The following MSL2 variants were observed in gnomAD, a reference collection of about 807,000 sequenced individuals.
MSL2 encodes the protein E3 ubiquitin-protein ligase MSL2.
A neutral mutation model predicts 35.8 loss-of-function variants in MSL2; 2 were observed. The observed-to-expected ratio is 0.06, with a 90% CI of 0.02 to 0.18. MSL2 has a LOEUF of 0.18. Ranked by LOEUF, MSL2 falls within the 10% of genes least tolerant of loss-of-function variation. MSL2 has a pLI of 1.00. For synonymous variants in MSL2, 296 were observed against 255.7 expected (o/e 1.16, Z -1.50); for missense variants, 523 against 706.7 (o/e 0.74, Z 2.95).
chr3:136,187,836 T>G (rs992089698), intron 1 of MSL2, among the ~76,000 whole-genome samples: 1 of 152,202 alleles, frequency 6.6e-6, no homozygotes, highest in Non-Finnish European at 1.5e-5. Context: ...TACAAGGGCC[T>G]GTCCACAGAG....
At chr3:136,194,153 T>C (rs977095381) in intron 1 of MSL2, among the ~76,000 whole-genome samples, 1 of 152,234 alleles carries the variant, frequency 6.6e-6, no homozygotes, top group Non-Finnish European at 1.5e-5. Flanking sequence ...TTCTTTTGTA[T>C]TAACGTTTCA....
intron 1 of MSL2, among the ~76,000 whole-genome samples, chr3:136,192,605 T>C (rs1285537396): frequency 6.6e-6 from 1 of 150,956 alleles, no homozygotes; most frequent in Non-Finnish European, 1.5e-5. Flanking sequence ...GAAAAAGATA[T>C]AAAAAAGCAT....
chr3:136,152,271 T>G lies in MSL2; in HGVS notation c.610A>C (p.Arg204=). The change falls in exon 2 of 2, where the codon AGA becomes CGA. Residue 204 remains arginine, a synonymous_variant. Transcript: ENST00000309993. ...LPTYNGLSID[R]FGINIPSPEH... ...GGTGAAGGAATATTTATACCAAATC[T>G]ATCTATTGAAAGCCCATTATAAGTA... is the stretch of plus-strand genomic sequence containing the variant. 1 of 1,614,110 alleles carries G rather than the reference T, an allele frequency of 6.2e-7. No individual in the cohort carries two copies. Among genetic ancestry groups the G allele is most frequent in the Non-Finnish European group, 8.5e-7 (1 of 1,179,932 alleles).
Position 136,152,390 on chromosome 3 carries a change from G to A in MSL2, c.491C>T (p.Ser164Leu). ...AGCTTGAGGATCAGTTGTGGGTTCT[G>A]AGGTTGAAGGTAAAGGGGAATGTGT... ...CLTHSPLPST[S>L]EPTTDPQASL... Residue 164 changes from serine (S) to leucine (L), a missense_variant, in exon 2 of 2, where the codon TCA (serine) becomes TTA (leucine). Ser to Leu is a moderately radical substitution (Grantham distance 145, BLOSUM62 -2). Coordinates refer to ENST00000309993, the MANE Select transcript of MSL2 (RefSeq NM_018133.4). 3.1e-6 allele frequency: 5 copies of A among 1,614,188 alleles called. No individual in the cohort carries two copies. Among genetic ancestry groups the A allele is most frequent in the Non-Finnish European group, 4.2e-6 (5 of 1,180,026 alleles).
In MSL2 at chr3:136,195,206, A is replaced by G; in HGVS notation, c.-93T>C. 6.5e-7 allele frequency: 1 copy of G among 1,538,740 alleles called. No individual in the cohort carries two copies. Among genetic ancestry groups the G allele is most frequent in the Non-Finnish European group, 8.7e-7 (1 of 1,147,124 alleles). ...AGGGAACGATGGCGAATTTGCAACA[A>G]TTCGGAAGAAATCAGAGCCGAACCA... On this transcript the variant is annotated 5_prime_UTR_variant, in exon 1 of 2. Coordinates refer to ENST00000309993, the MANE Select transcript of MSL2 (RefSeq NM_018133.4).
Position 136,195,891 on chromosome 3 carries a change from G to A in MSL2, c.-778C>T, listed in dbSNP as rs1436941341. 9 of 886,126 alleles carry A rather than the reference G, an allele frequency of 1.0e-5. No individual in the cohort carries two copies. The highest frequency in any genetic ancestry group is 1.2e-5 in the Non-Finnish European group (9 of 740,728). The allele number at this position is 886,126 out of a possible 1,614,324, so 54.9% of individuals were successfully genotyped here. Reference sequence around the variant, plus strand: ...CGGGAGGGGGCGGGGGGCAAGCCCGGCCGGGCCGCGGCGGCGCCCCTCGCG... The same window carrying A: ...CGGGAGGGGGCGGGGGGCAAGCCCGACCGGGCCGCGGCGGCGCCCCTCGCG... On this transcript the variant is annotated 5_prime_UTR_variant, in exon 1 of 2. Transcript: ENST00000309993.
chr3:136,180,358 C>A (rs1940305489), intron 1 of MSL2, among the ~76,000 whole-genome samples: 1 of 152,080 alleles, frequency 6.6e-6, no homozygotes, highest in Non-Finnish European at 1.5e-5. Flanking sequence ...CTGGGTAGCA[C>A]TGTATTTTCT....
chr3:136,183,115 T>G (rs1940415718), intron 1 of MSL2, among the ~76,000 whole-genome samples: 1 of 151,352 alleles, frequency 6.6e-6, no homozygotes, highest in East Asian at 1.9e-4. Flanking sequence ...AAGTAAAATT[T>G]TACAAGGTAA....
At chr3:136,184,310 A>G (rs1434692127) in intron 1 of MSL2, among the ~76,000 whole-genome samples, 3 of 148,720 alleles carry the variant, frequency 2.0e-5, no homozygotes, top group Non-Finnish European at 3.0e-5. Context: ...AAAGAATTCT[A>G]TGGTTCTGGG....
At chr3:136,194,485 A>C in intron 1 of MSL2, 2 of 985,264 alleles carry the variant, frequency 2.0e-6, no homozygotes. Flanking sequence ...ACCTGGGGCA[A>C]AGTTCCGCGC....
chr3:136,180,816 GGGAAGGAAGGAA>G (rs1329921141), intron 1 of MSL2, among the ~76,000 whole-genome samples: 2 of 53,608 alleles, frequency 3.7e-5, no homozygotes, highest in East Asian at 1.5e-3. Flanking sequence ...GAGGGAAGGA[GGGAAGGAAGGAA>G]GGAAGGAAGG....
chr3:136,151,771 A>G lies in MSL2; in HGVS notation c.1110T>C (p.Ala370=). ...TGCTCTCCCGTTTCACTGTCACAGG[A>G]GCAGATGCCCCCAGTGTTGGGCCTC... ...IIRGPTLGAS[A]PVTVKRESKI... The change falls in exon 2 of 2, where the codon GCT becomes GCC. Residue 370 remains alanine, a synonymous_variant. Coordinates refer to ENST00000309993, the MANE Select transcript of MSL2 (RefSeq NM_018133.4). The surrounding 1 kb of genome is among the most constrained non-coding windows in gnomAD (Gnocchi z 5.2). 6.2e-7 allele frequency: 1 copy of G among 1,614,182 alleles called. No individual in the cohort carries two copies.
chr3:136,150,910 C>A lies in MSL2; in HGVS notation c.*237G>T. 2 of 481,418 alleles carry A rather than the reference C, an allele frequency of 4.2e-6. No individual in the cohort carries two copies. The highest frequency in any genetic ancestry group is 3.4e-5 in the Admixed American group (1 of 29,832). The allele number at this position is 481,418 out of a possible 1,614,324, so 29.8% of individuals were successfully genotyped here. ...TTCATTTTGTATAAATCAGTTGCAT[C>A]AGCTTTGTTCTCAAACTATGAGGTT... is the stretch of plus-strand genomic sequence containing the variant. On this transcript the variant is annotated 3_prime_UTR_variant, in exon 2 of 2. Coordinates refer to ENST00000309993, the MANE Select transcript of MSL2 (RefSeq NM_018133.4).
intron 1 of MSL2, among the ~76,000 whole-genome samples, chr3:136,161,786 C>T (rs1939713072): frequency 6.6e-6 from 1 of 151,938 alleles, no homozygotes; most frequent in Non-Finnish European, 1.5e-5. Context: ...TTACACAACT[C>T]TAAAATTTAA....
chr3:136,150,917 G>T lies in MSL2; in HGVS notation c.*230C>A, dbSNP rs995018478. 2 of 503,844 alleles carry T rather than the reference G, an allele frequency of 4.0e-6. No individual in the cohort carries two copies. The highest frequency in any genetic ancestry group is 7.1e-6 in the Non-Finnish European group (2 of 283,190). The allele number at this position is 503,844 out of a possible 1,614,324, so 31.2% of individuals were successfully genotyped here. ...TGTATAAATCAGTTGCATCAGCTTTGTTCTCAAACTATGAGGTTCTGTAAG... is the reference window on the plus strand; with the variant it reads ...TGTATAAATCAGTTGCATCAGCTTTTTTCTCAAACTATGAGGTTCTGTAAG... On this transcript the variant is annotated 3_prime_UTR_variant, in exon 2 of 2. Coordinates refer to ENST00000309993, the MANE Select transcript of MSL2 (RefSeq NM_018133.4).
intron 1 of MSL2, among the ~76,000 whole-genome samples, chr3:136,192,574 A>G (rs151139643): frequency 1.8e-3 from 273 of 151,700 alleles, no homozygotes; most frequent in East Asian, 4.8e-3. Context: ...AAAATTAAGA[A>G]AGCAAAGATA....
At chr3:136,166,738 C>T (rs1466194744) in intron 1 of MSL2, among the ~76,000 whole-genome samples, 1 of 152,124 alleles carries the variant, frequency 6.6e-6, no homozygotes, top group Non-Finnish European at 1.5e-5. Context: ...ATTGCTTGCC[C>T]GTCTCTATAC....
At position 136,195,503 on chromosome 3, in the gene MSL2, T is replaced by A. The variant is rs973482870; in HGVS notation, c.-390A>T. 12 of 1,011,916 alleles carry A rather than the reference T, an allele frequency of 1.2e-5. No homozygotes were observed. Among genetic ancestry groups the A allele is most frequent in the Non-Finnish European group, 1.3e-5 (11 of 847,278 alleles). The allele number at this position is 1,011,916 out of a possible 1,614,324, so 62.7% of individuals were successfully genotyped here. On this transcript the variant is annotated 5_prime_UTR_variant, in exon 1 of 2. Transcript: ENST00000309993. ...CCGGACACGGAGGCGCCTCCTCAAG[T>A]CGAGCTGGCAGGCGCGGGAGCAGGC...
intron 1 of MSL2, among the ~76,000 whole-genome samples, chr3:136,167,330 G>A (rs1939879599): frequency 6.7e-6 from 1 of 148,728 alleles, no homozygotes; most frequent in African/African-American, 2.6e-5. Flanking sequence ...AAATGGTTTA[G>A]TTGTTCTATA....
Sources: gnomAD v4.1 joint callset for allele counts (sites outside exome capture counted in the v4.1 genomes callset) on GRCh38, gnomAD v4.1.1 for gene constraint, Gnocchi (gnomAD v3.1) non-coding constraint, MANE v1.5 for transcripts, NCBI Gene and HGNC (gene_info 2026-07-23, HGNC 2026-07-21) for gene names.